Variants in NKD2 observed in about 807,000 individuals in gnomAD.
The protein encoded by NKD2 is NKD inhibitor of Wnt signaling pathway 2, also known as protein naked cuticle homolog 2.
In NKD2, 43 loss-of-function variants were observed where a neutral mutation model predicts 34.8. The observed-to-expected ratio is 1.24, with a 90% CI of 0.97 to 1.60. The LOEUF (loss-of-function observed/expected upper bound fraction) is 1.60. Among genes scored for constraint, NKD2 ranks in the 40% most tolerant of loss-of-function variants. The pLI, the probability that NKD2 is intolerant of heterozygous loss-of-function variation, is 0.00. For missense variants in NKD2, 675 were observed against 627.1 expected, an observed-to-expected ratio of 1.08 and a Z score of -0.82; for synonymous variants, 278 against 265.1, an observed-to-expected ratio of 1.05 and a Z score of -0.47.
At chr5:1,019,721 A>C (rs1305180708) in intron 3 of NKD2, among the ~76,000 whole-genome samples, 1 of 152,230 alleles carries the variant, frequency 6.6e-6, no homozygotes, top group African/African-American at 2.4e-5. Flanking sequence ...TCGACGTTGC[A>C]TGTTCACATA....
chr5:1,034,729 G>C (rs1171490347), intron 6 of NKD2, 27 bp from the exon 7 acceptor site: 1 of 1,601,482 alleles, frequency 6.2e-7, no homozygotes, highest in East Asian at 2.2e-5. Context: ...GGTCTGCTCT[G>C]TCAGTGAAAC....
intron 6 of NKD2, 62 bp downstream of exon 6, chr5:1,034,392 G>A: frequency 7.3e-7 from 1 of 1,372,858 alleles, no homozygotes. Flanking sequence ...GACAGACTGT[G>A]CTGGCCTCGC....
rs577163729 is a variant in NKD2 at position 1,009,108 on chromosome 5, AGGGC to A, written c.25+40_25+43del. The A allele has an allele frequency of 3.6e-3, 465 of 130,730 alleles. No individual in the cohort carries two copies. Among genetic ancestry groups the A allele is most frequent in the Admixed American group, 0.011 (45 of 4,130 alleles). 8.1% of individuals were successfully genotyped at this position (130,730 alleles called of 1,614,324 possible). A position where few individuals can be genotyped will look rare whatever the true frequency, so the allele number is the denominator to read the frequency against. On this transcript the variant is annotated intron_variant, in intron 1 of 9. Coordinates refer to ENST00000296849, the MANE Select transcript of NKD2 (RefSeq NM_033120.4). This position sits in a 1 kb window ranked among gnomAD's most constrained non-coding sequence, Gnocchi z 6.9. Reference sequence around the variant, plus strand: ...GTGAGCCGCGGGCCGGTAGGGCGGGAGGGCGGGCGGGCGGGCGTGGGGCCGCCTC... The same window carrying A: ...GTGAGCCGCGGGCCGGTAGGGCGGGAGGGCGGGCGGGCGTGGGGCCGCCTC...
chr5:1,037,276 C>T (rs1451941621), intron 9 of NKD2, among the ~76,000 whole-genome samples: 1 of 152,152 alleles, frequency 6.6e-6, no homozygotes, highest in Non-Finnish European at 1.5e-5. Flanking sequence ...TCAGGAGTCC[C>T]CAGGGGCAGG....
At chr5:1,033,593 A>G in intron 5 of NKD2, 94 bp downstream of exon 5, 1 of 1,393,436 alleles carries the variant, frequency 7.2e-7, no homozygotes, top group Non-Finnish European at 9.6e-7. Flanking sequence ...GCATCTGTGG[A>G]CACGGCGTAG....
At chr5:1,021,835 C>T (rs1317428046) in intron 3 of NKD2, among the ~76,000 whole-genome samples, 2 of 152,090 alleles carry the variant, frequency 1.3e-5, no homozygotes, top group African/African-American at 4.8e-5. Flanking sequence ...TCTGAGCTCC[C>T]AGCAGGGATA....
intron 4 of NKD2, 139 bp downstream of exon 4, chr5:1,032,351 A>C: frequency 1.4e-6 from 1 of 708,426 alleles, no homozygotes; most frequent in Non-Finnish European, 2.5e-6. Context: ...CTTTGTTCTT[A>C]AAAAGCCTTG....
chr5:1,038,620 C>A lies in NKD2; in HGVS notation c.*247C>A. 1.3e-6 allele frequency: 1 copy of A among 741,962 alleles called. No individual in the cohort carries two copies. The highest frequency in any genetic ancestry group is 2.3e-6 in the Non-Finnish European group (1 of 437,282). The allele number at this position is 741,962 out of a possible 1,614,324, so 46.0% of individuals were successfully genotyped here. A position where few individuals can be genotyped will look rare whatever the true frequency, so the allele number is the denominator to read the frequency against. ...ACATGGCGGTGAACACATCTGAAGC[C>A]ACTATGTTTCCTGGCTCTAAGGCTC... On this transcript the variant is annotated 3_prime_UTR_variant, in exon 10 of 10. Coordinates refer to ENST00000296849, the MANE Select transcript of NKD2 (RefSeq NM_033120.4). The surrounding 1 kb of genome is among the most constrained non-coding windows in gnomAD (Gnocchi z 4.5).
In NKD2 at chr5:1,038,154, C is replaced by T; in HGVS notation, c.1137C>T (p.Pro379=). The change falls in exon 10 of 10, where the codon CCC becomes CCT. Residue 379 remains proline (P), a synonymous_variant. Transcript: ENST00000296849. The surrounding 1 kb of genome is among the most constrained non-coding windows in gnomAD (Gnocchi z 4.5). ...ACCTCCCGCAGCCCCCACCGCCACCCTACGGCCACAAGCGGTACCGCCAAA... is the reference window on the plus strand; with the variant it reads ...ACCTCCCGCAGCCCCCACCGCCACCTTACGGCCACAAGCGGTACCGCCAAA... The part of the protein sequence containing the change: ...GHHLPQPPPP[P]YGHKRYRQKG... 3 of 1,587,118 alleles carry T rather than the reference C, an allele frequency of 1.9e-6. No homozygotes were observed. Among genetic ancestry groups the T allele is most frequent in the South Asian group, 2.3e-5 (2 of 88,410 alleles).
At position 1,038,353 on chromosome 5, in the gene NKD2, C is replaced by CACCACT. The variant is rs766697553; in HGVS notation, c.1337_1342dup (p.His447_Phe448insTyrHis). The CACCACT allele has an allele frequency of 6.5e-7, 1 of 1,536,032 alleles. No homozygotes were observed. The highest frequency in any genetic ancestry group is 1.2e-5 in the South Asian group (1 of 84,072). On this transcript the variant is annotated inframe_insertion, in exon 10 of 10. Transcript: ENST00000296849. The surrounding 1 kb of genome is among the most constrained non-coding windows in gnomAD (Gnocchi z 4.5). Reference sequence around the variant, plus strand: ...CGAGCACCACCACCACCACCACCACCACCACTTCCACCCGTCCTAGCGCCA... The same window carrying CACCACT: ...CGAGCACCACCACCACCACCACCACCACCACTACCACTTCCACCCGTCCTAGCGCCA...
intron 3 of NKD2, among the ~76,000 whole-genome samples, chr5:1,016,159 A>G (rs1161230934): frequency 1.3e-5 from 2 of 152,214 alleles, no homozygotes; most frequent in African/African-American, 4.8e-5. Flanking sequence ...GCCTGGAGGG[A>G]CACACGGTGC....
intron 8 of NKD2, chr5:1,035,820 G>A (rs1356026119): frequency 5.3e-6 from 2 of 379,998 alleles, no homozygotes; most frequent in Non-Finnish European, 9.5e-6. Context: ...AGTGGCTGAG[G>A]GTGGCTGGGG....
chr5:1,014,856 G>A (rs941906840), intron 3 of NKD2, among the ~76,000 whole-genome samples: 6 of 152,250 alleles, frequency 3.9e-5, no homozygotes, highest in African/African-American at 1.2e-4. Context: ...CCATATGGCC[G>A]TGTTACGTGT....
chr5:1,038,140 C>A lies in NKD2; in HGVS notation c.1123C>A (p.Pro375Thr), dbSNP rs1381424818. Residue 375 changes from proline (P) to threonine (T), a missense_variant, in exon 10 of 10, where the codon CCC (proline) becomes ACC (threonine). By Grantham distance (38) the Pro-to-Thr change is conservative. Coordinates refer to ENST00000296849, the MANE Select transcript of NKD2 (RefSeq NM_033120.4). This position sits in a 1 kb window ranked among gnomAD's most constrained non-coding sequence, Gnocchi z 4.5. Reference sequence around the variant, plus strand: ...TCAGGACGGCCACCACCTCCCGCAGCCCCCACCGCCACCCTACGGCCACAA... The same window carrying A: ...TCAGGACGGCCACCACCTCCCGCAGACCCCACCGCCACCCTACGGCCACAA... ...APQDGHHLPQ[P>T]PPPPYGHKRY... 1.9e-6 allele frequency: 3 copies of A among 1,587,332 alleles called. No homozygotes were observed. Among genetic ancestry groups the A allele is most frequent in the Non-Finnish European group, 2.6e-6 (3 of 1,169,092 alleles).
chr5:1,036,420 G>C (rs1190103008), intron 9 of NKD2, 36 bp downstream of exon 9: 3 of 1,585,160 alleles, frequency 1.9e-6, no homozygotes, highest in Non-Finnish European at 2.6e-6. Flanking sequence ...GTGAGGCCCT[G>C]GCTGTGGGTG....
chr5:1,018,550 T>C (rs575050383), intron 3 of NKD2, among the ~76,000 whole-genome samples: 83 of 151,818 alleles, frequency 5.5e-4, no homozygotes, highest in Non-Finnish European at 9.6e-4. Flanking sequence ...GGGGAGAGAC[T>C]GGTCACAGTC....
chr5:1,021,476 T>C (rs186458679), intron 3 of NKD2, among the ~76,000 whole-genome samples: 1 of 149,368 alleles, frequency 6.7e-6, no homozygotes, highest in Non-Finnish European at 1.5e-5. Flanking sequence ...TCTTTCACTT[T>C]AGAACCAGAA....
chr5:1,033,868 G>C (rs765304473), intron 5 of NKD2, among the ~76,000 whole-genome samples: 1 of 152,196 alleles, frequency 6.6e-6, no homozygotes, highest in Non-Finnish European at 1.5e-5. Context: ...TTCCCGGGAG[G>C]GCTCAGGGAG....
chr5:1,027,307 C>T (rs530084262), intron 3 of NKD2, among the ~76,000 whole-genome samples: 3 of 152,184 alleles, frequency 2.0e-5, no homozygotes, highest in South Asian at 2.1e-4. Context: ...CTGCTGGTGG[C>T]GATGAAAGCT....
Sources: gnomAD v4.1 joint callset for allele counts (sites outside exome capture counted in the v4.1 genomes callset) on GRCh38, gnomAD v4.1.1 for gene constraint, Gnocchi (gnomAD v3.1) non-coding constraint, MANE v1.5 for transcripts, NCBI Gene and HGNC (gene_info 2026-07-23, HGNC 2026-07-21) for gene names.